The following ZNF138 variants were observed in gnomAD, a reference collection of about 807,000 sequenced individuals.
ZNF138 encodes zinc finger protein 138 (clone pHZ-32).
A neutral mutation model predicts 33.0 loss-of-function variants in ZNF138; 33 were observed. The ratio of observed to expected loss-of-function variants is 1.00; its 90% CI spans 0.76 to 1.34. The LOEUF (loss-of-function observed/expected upper bound fraction) is 1.34, where lower values mean the gene tolerates loss of function less well. Ranked by LOEUF, ZNF138 falls within the 40% of genes most tolerant of loss-of-function variation. The pLI is 0.00. For missense variants in ZNF138, 360 were observed against 370.8 expected (o/e 0.97, Z 0.24); for synonymous variants, 139 against 120.4 (o/e 1.15, Z -1.01).
Position 64,794,578 on chromosome 7 carries a change from G to T in ZNF138, c.3+7G>T, listed in dbSNP as rs1341301289. ...CCCCGGAAGCCTAGAAATGGTGAGA[G>T]TGCTGGGTCCGACATCCCGAGAGAG... On this transcript the variant is annotated splice_region_variant and intron_variant, in intron 1 of 3. Transcript: ENST00000307355. 1.9e-6 allele frequency: 3 copies of T among 1,613,696 alleles called. No individual in the cohort carries two copies. In the Admixed American group the frequency reaches 5.0e-5, roughly 27 times the overall value.
intron 1 of ZNF138, among the ~76,000 whole-genome samples, chr7:64,802,671 A>G (rs1031040735): frequency 6.6e-6 from 1 of 152,270 alleles, no homozygotes. Context: ...AAATTTGGGC[A>G]AGATAAAAAA....
the ZNF138 span, among the ~76,000 whole-genome samples, chr7:64,845,385 C>T: frequency 6.6e-6 from 1 of 152,228 alleles, no homozygotes. Context: ...CTGCTATAAA[C>T]ATACATGTGC....
chr7:64,826,218 CT>C (rs1488369008), intron 3 of ZNF138, among the ~76,000 whole-genome samples: 2 of 151,840 alleles, frequency 1.3e-5, no homozygotes, highest in Non-Finnish European at 1.5e-5. Flanking sequence ...AGTTTTTTTT[CT>C]GTTTTACTGC....
intron 1 of ZNF138, among the ~76,000 whole-genome samples, chr7:64,812,025 A>G (rs150834599): frequency 5.9e-5 from 9 of 152,300 alleles, no homozygotes; most frequent in African/African-American, 1.7e-4. Context: ...CTTTTTACTT[A>G]TACCCTTTCC....
rs1790087844 is a variant in ZNF138 at position 64,831,607 on chromosome 7, G to A, written c.365G>A (p.Gly122Glu). 6.2e-7 allele frequency: 1 copy of A among 1,611,696 alleles called. No individual in the cohort carries two copies. The highest frequency in any genetic ancestry group is 8.5e-7 in the Non-Finnish European group (1 of 1,178,832). The change falls in exon 4 of 4, where the codon GGA (glycine) becomes GAA (glutamate). Residue 122 changes from glycine to glutamate, a missense_variant. By Grantham distance (98) the Gly-to-Glu change is moderately conservative. Coordinates refer to ENST00000307355, the MANE Select transcript of ZNF138 (RefSeq NM_001271639.2). ...GTGGATGAGTGTAAGGGACACCAAG[G>A]AGGTTTTAATGGACTTAACCAATGT... ...KSVDECKGHQ[G>E]GFNGLNQCLK... is the part of the protein sequence containing the mutation.
the ZNF138 span, among the ~76,000 whole-genome samples, chr7:64,859,181 C>T: frequency 5.3e-5 from 8 of 152,156 alleles, no homozygotes; most frequent in Admixed American, 4.6e-4. Flanking sequence ...CCACCTCAGC[C>T]TCCCAAAGTG....
At chr7:64,840,690 G>T in the ZNF138 span, among the ~76,000 whole-genome samples, 1 of 150,694 alleles carries the variant, frequency 6.6e-6, no homozygotes, top group African/African-American at 2.4e-5. Context: ...ATAAAACCCT[G>T]AGTCTTAAAA....
chr7:64,801,388 T>A (rs79017121), intron 1 of ZNF138, among the ~76,000 whole-genome samples: 2,188 of 152,312 alleles, frequency 0.014, 54 homozygotes, highest in African/African-American at 0.05. Context: ...TTCAAAGAGC[T>A]TTTTGATTTT....
chr7:64,852,338 T>G, the ZNF138 span: 1 of 1,127,274 alleles, frequency 8.9e-7, no homozygotes, highest in Non-Finnish European at 1.3e-6. Flanking sequence ...ATTGAAGCGA[T>G]GATAAAGGAA....
Position 64,822,220 on chromosome 7 carries a change from A to G in ZNF138, c.208+6567A>G, listed in dbSNP as rs968744731. ...AGGCGTGAGCCACCGTGCCTGGCCA[A>G]TTTGCAAATATTTTCACCCATTTTC... On this transcript the variant is annotated intron_variant, in intron 3 of 3. Coordinates refer to ENST00000307355, the MANE Select transcript of ZNF138 (RefSeq NM_001271639.2). 1.1e-4 allele frequency among the ~76,000 whole-genome samples: 17 copies of G among 151,398 alleles called. 2 individuals are homozygous for G. The highest frequency in any genetic ancestry group is 4.2e-4 in the African/African-American group (17 of 40,806).
chr7:64,848,792 C>T, the ZNF138 span, among the ~76,000 whole-genome samples: 2 of 151,010 alleles, frequency 1.3e-5, no homozygotes, highest in Non-Finnish European at 2.9e-5. Context: ...GCAGGCTCCA[C>T]CTCCCGGGTT....
chr7:64,823,103 C>G (rs1417604831), intron 3 of ZNF138, among the ~76,000 whole-genome samples: 1 of 152,034 alleles, frequency 6.6e-6, no homozygotes. Flanking sequence ...TGGTCTTGAA[C>G]TCCCGACCTC....
At chr7:64,796,818 A>G (rs144767573) in intron 1 of ZNF138, among the ~76,000 whole-genome samples, 2,313 of 152,288 alleles carry the variant, frequency 0.015, 63 homozygotes, top group African/African-American at 0.053. Context: ...CAAGGCAGGG[A>G]GATCACCTGA....
chr7:64,824,206 G>A (rs938397932), intron 3 of ZNF138, among the ~76,000 whole-genome samples: 1 of 151,952 alleles, frequency 6.6e-6, no homozygotes, highest in African/African-American at 2.4e-5. Flanking sequence ...CCATCCTCTT[G>A]GTAATAAAAA....
At chr7:64,826,481 A>G (rs185173499) in intron 3 of ZNF138, among the ~76,000 whole-genome samples, 542 of 152,142 alleles carry the variant, frequency 3.6e-3, no homozygotes, top group Middle Eastern at 6.8e-3. Context: ...GGGTTTCTCC[A>G]TGTTGGTCAG....
Position 64,794,488 on chromosome 7 carries a change from G to C in ZNF138, c.-81G>C. ...ACTTTTCTGCGTCCTCTTACTCCTAGAGGCCCAGCCTCTGTGGCGCTGTGA... is the reference window on the plus strand; with the variant it reads ...ACTTTTCTGCGTCCTCTTACTCCTACAGGCCCAGCCTCTGTGGCGCTGTGA... On this transcript the variant is annotated 5_prime_UTR_variant, in exon 1 of 4. Coordinates refer to ENST00000307355, the MANE Select transcript of ZNF138 (RefSeq NM_001271639.2). The C allele has an allele frequency of 6.2e-7, 1 of 1,602,876 alleles. No homozygotes were observed. The highest frequency in any genetic ancestry group is 8.5e-7 in the Non-Finnish European group (1 of 1,172,004).
At position 64,818,040 on chromosome 7, in the gene ZNF138, T is replaced by G. The variant is rs1170675750; in HGVS notation, c.208+2387T>G. On this transcript the variant is annotated intron_variant, in intron 3 of 3. Transcript: ENST00000307355. ...ACCGAGTCTCACTCTGCACCCAGGC[T>G]GGAGTGCAGCAGTACAATCTTGGCT... Among the ~76,000 whole-genome samples, 4 of 147,090 alleles carry G rather than the reference T, an allele frequency of 2.7e-5. No homozygotes were observed. The East Asian group carries it at 7.9e-4, about 29-fold the overall frequency.
chr7:64,822,561 G>A (rs1356560419), intron 3 of ZNF138, among the ~76,000 whole-genome samples: 1 of 151,402 alleles, frequency 6.6e-6, no homozygotes, highest in Non-Finnish European at 1.5e-5. Context: ...TCTCTATTGT[G>A]TGCTCATGGC....
chr7:64,794,434 C>A lies in ZNF138; in HGVS notation c.-135C>A. 1 of 1,351,516 alleles carries A rather than the reference C, an allele frequency of 7.4e-7. No homozygotes were observed. 83.7% of individuals were successfully genotyped at this position (1,351,516 alleles called of 1,614,324 possible). A position where few individuals can be genotyped will look rare whatever the true frequency, so the allele number is the denominator to read the frequency against. On this transcript the variant is annotated 5_prime_UTR_variant, in exon 1 of 4. In the 5' UTR this introduces an upstream ATG that the reference lacks. Transcript: ENST00000307355. ...GGGAGGCGGCGGGGTCTTTGTCTCG[C>A]TGCAGCGGGTGCTGCAGGTCTGGCC...
Sources: gnomAD v4.1 joint callset for allele counts (sites outside exome capture counted in the v4.1 genomes callset) on GRCh38, gnomAD v4.1.1 for gene constraint, MANE v1.5 for transcripts, NCBI Gene and HGNC (gene_info 2026-07-23, HGNC 2026-07-21) for gene names.